The following OSBPL3 variants were observed in gnomAD, a reference collection of about 807,000 sequenced individuals.
OSBPL3 encodes oxysterol-binding protein-related protein 3.
Under a neutral mutation model 120.1 loss-of-function variants are expected in OSBPL3, and 65 were observed. That is an observed-to-expected ratio of 0.54 (90% confidence interval 0.44 to 0.67). The LOEUF (loss-of-function observed/expected upper bound fraction) is 0.67, where lower values mean the gene tolerates loss of function less well. Ranked by LOEUF, OSBPL3 falls within the 30% of genes least tolerant of loss-of-function variation. OSBPL3 has a pLI of 0.00. For synonymous variants in OSBPL3, 416 were observed against 402.6 expected (o/e 1.03, Z -0.40); for missense variants, 1,004 against 1,082.1 (o/e 0.93, Z 1.01).
rs924432337 is a variant in OSBPL3 at position 24,937,273 on chromosome 7, T to C, written c.-150+42613A>G. Among the ~76,000 whole-genome samples, 1 of 152,094 alleles carries C rather than the reference T, an allele frequency of 6.6e-6. No individual in the cohort carries two copies. Among genetic ancestry groups the C allele is most frequent in the South Asian group, 2.1e-4 (1 of 4,818 alleles). On this transcript the variant is annotated intron_variant, in intron 1 of 22. Transcript: ENST00000313367. This position sits in a 1 kb window ranked among gnomAD's most constrained non-coding sequence, Gnocchi z 4.0. The stretch of plus-strand genomic sequence containing the variant: ...CATAATTCAATTTTCTCCCACCAGG[T>C]CCCTCCCACAACACGTGGGGATTAT...
chr7:24,932,843 AG>A lies in OSBPL3; in HGVS notation c.-149-40223del, dbSNP rs1271394830. On this transcript the variant is annotated intron_variant, in intron 1 of 22. Transcript: ENST00000313367. The surrounding 1 kb of genome is among the most constrained non-coding windows in gnomAD (Gnocchi z 5.6). ...CAAGCATTTGAAATGTTGGGCATTCAGGAACGATCTTTCTAAGATCACTTTT... is the reference window on the plus strand; with the variant it reads ...CAAGCATTTGAAATGTTGGGCATTCAGAACGATCTTTCTAAGATCACTTTT... Among the ~76,000 whole-genome samples the A allele has an allele frequency of 6.6e-6, 1 of 152,268 alleles. No homozygotes were observed. Among genetic ancestry groups the A allele is most frequent in the African/African-American group, 2.4e-5 (1 of 41,476 alleles).
At position 24,947,979 on chromosome 7, in the gene OSBPL3, T is replaced by C. The variant is rs939136702; in HGVS notation, c.-150+31907A>G. The stretch of plus-strand genomic sequence containing the variant: ...TAAGAATGATTTTTTTAATCCAATG[T>C]TCATTTCTAAATCTTTTTCAAGAAA... On this transcript the variant is annotated intron_variant, in intron 1 of 22. Transcript: ENST00000313367. The surrounding 1 kb of genome is among the most constrained non-coding windows in gnomAD (Gnocchi z 4.4). Among the ~76,000 whole-genome samples the C allele has an allele frequency of 5.9e-5, 9 of 152,162 alleles. No individual in the cohort carries two copies. Among genetic ancestry groups the C allele is most frequent in the Admixed American group, 5.2e-4 (8 of 15,276 alleles).
In OSBPL3 at chr7:24,953,435, T is replaced by C. The variant is rs1212856360; in HGVS notation, c.-150+26451A>G. 6.6e-6 allele frequency among the ~76,000 whole-genome samples: 1 copy of C among 152,162 alleles called. No individual in the cohort carries two copies. The highest frequency in any genetic ancestry group is 1.5e-5 in the Non-Finnish European group (1 of 68,032). The stretch of plus-strand genomic sequence containing the variant: ...AGTTTAAATGTGTCTTATTAAAGTA[T>C]TGTGTTAAAAAAAAAAGTATTACGT... On this transcript the variant is annotated intron_variant, in intron 1 of 22. Transcript: ENST00000313367. The surrounding 1 kb of genome is among the most constrained non-coding windows in gnomAD (Gnocchi z 4.3).
rs1388456526 is a variant in OSBPL3 at position 24,966,544 on chromosome 7, G to A, written c.-150+13342C>T. ...TTACAAGTCAGAAGTATGATGCATT[G>A]GCAGGTGTGCATGAAGAAGGCCAGG... On this transcript the variant is annotated intron_variant, in intron 1 of 22. Transcript: ENST00000313367. The surrounding 1 kb of genome is among the most constrained non-coding windows in gnomAD (Gnocchi z 4.8). 6.6e-6 allele frequency among the ~76,000 whole-genome samples: 1 copy of A among 152,196 alleles called. No individual in the cohort carries two copies. Among genetic ancestry groups the A allele is most frequent in the Non-Finnish European group, 1.5e-5 (1 of 68,030 alleles).
At chr7:24,847,869 T>C (rs1032636959) in intron 12 of OSBPL3, among the ~76,000 whole-genome samples, 3 of 152,162 alleles carry the variant, frequency 2.0e-5, no homozygotes, top group Non-Finnish European at 4.4e-5. Flanking sequence ...CCGTAAGTAA[T>C]GTTTAGGTGC....
chr7:24,811,978 G>T (rs1157950301), intron 19 of OSBPL3, among the ~76,000 whole-genome samples: 1 of 152,100 alleles, frequency 6.6e-6, no homozygotes, highest in Non-Finnish European at 1.5e-5. Context: ...AGATACATTT[G>T]TATTTCTACC....
chr7:24,951,557 T>C (rs1356909441), intron 1 of OSBPL3, among the ~76,000 whole-genome samples: 3 of 152,224 alleles, frequency 2.0e-5, no homozygotes, highest in Non-Finnish European at 2.9e-5. Context: ...TATTAGTATT[T>C]ATGACTTAAA....
intron 12 of OSBPL3, among the ~76,000 whole-genome samples, chr7:24,846,210 T>C (rs528801200): frequency 5.9e-5 from 9 of 152,346 alleles, no homozygotes; most frequent in African/African-American, 2.2e-4. Flanking sequence ...AGTGTTTTAT[T>C]TTCTGGCTTG....
At chr7:24,909,305 G>C (rs1029835333) in intron 1 of OSBPL3, among the ~76,000 whole-genome samples, 1 of 152,124 alleles carries the variant, frequency 6.6e-6, no homozygotes, top group Admixed American at 6.5e-5. Context: ...GCTTGGTAGG[G>C]GCTTGTGACT....
intron 1 of OSBPL3, among the ~76,000 whole-genome samples, chr7:24,906,780 T>C (rs568431739): frequency 2.6e-5 from 4 of 152,294 alleles, no homozygotes; most frequent in East Asian, 3.9e-4. Context: ...CCCAGTTCCA[T>C]GGGCAGTCAC....
intron 10 of OSBPL3, 95 bp downstream of exon 10, chr7:24,861,518 A>G: frequency 1.3e-6 from 1 of 761,818 alleles, no homozygotes. Flanking sequence ...GCAGAAAATG[A>G]ACCAACTAAG....
At chr7:24,842,661 C>G (rs1429417105) in intron 12 of OSBPL3, among the ~76,000 whole-genome samples, 3 of 152,202 alleles carry the variant, frequency 2.0e-5, no homozygotes, top group Non-Finnish European at 4.4e-5. Context: ...AGGCAAAAAA[C>G]AACTGTCCAG....
At chr7:24,859,360 G>A (rs1800221002) in intron 10 of OSBPL3, among the ~76,000 whole-genome samples, 1 of 136,794 alleles carries the variant, frequency 7.3e-6, no homozygotes, top group Non-Finnish European at 1.5e-5. Flanking sequence ...TGAAAAAAAA[G>A]TTAAGCAGAA....
intron 1 of OSBPL3, among the ~76,000 whole-genome samples, chr7:24,950,038 T>C (rs929731049): frequency 1.9e-4 from 29 of 152,210 alleles, no homozygotes; most frequent in African/African-American, 6.8e-4. Context: ...AATCCATTGT[T>C]TTCCCCACAG....
At position 24,938,165 on chromosome 7, in the gene OSBPL3, G is replaced by C. The variant is rs1812642665; in HGVS notation, c.-150+41721C>G. ...CAACCTGATGGTATTAGGAGTTGGA[G>C]CCTTTGGGCGGTGATCAAGTCATGA... On this transcript the variant is annotated intron_variant, in intron 1 of 22. Coordinates refer to ENST00000313367, the MANE Select transcript of OSBPL3 (RefSeq NM_015550.4). The surrounding 1 kb of genome is among the most constrained non-coding windows in gnomAD (Gnocchi z 5.8). 6.6e-6 allele frequency among the ~76,000 whole-genome samples: 1 copy of C among 152,194 alleles called. No individual in the cohort carries two copies. Among genetic ancestry groups the C allele is most frequent in the South Asian group, 2.1e-4 (1 of 4,828 alleles).
At chr7:24,865,271 C>T (rs750645515) in intron 7 of OSBPL3, 71 bp downstream of exon 7, 14 of 1,510,780 alleles carry the variant, frequency 9.3e-6, no homozygotes, top group Non-Finnish European at 1.3e-5. Context: ...ACAAATGAAT[C>T]TGAAGTGTAA....
chr7:24,956,112 G>A (rs1009769375), intron 1 of OSBPL3, among the ~76,000 whole-genome samples: 30 of 152,254 alleles, frequency 2.0e-4, no homozygotes, highest in African/African-American at 7.0e-4. Context: ...CAGGATGAAA[G>A]TGACCCACAG....
intron 12 of OSBPL3, among the ~76,000 whole-genome samples, chr7:24,844,288 C>T (rs554118698): frequency 3.9e-5 from 6 of 152,292 alleles, no homozygotes; most frequent in Admixed American, 2.6e-4. Flanking sequence ...ACCTACAGCC[C>T]GGGCGCCACA....
rs1304845826 is a variant in OSBPL3 at position 24,852,621 on chromosome 7, T to G, written c.1041A>C (p.Leu347Phe). 1 of 1,589,364 alleles carries G rather than the reference T, an allele frequency of 6.3e-7. No homozygotes were observed. ...CTGACATGATATTAAAAGCTGACCTTAAAGTGAAGTAAACTATAGAGATAG... is the reference window on the plus strand; with the variant it reads ...CTGACATGATATTAAAAGCTGACCTGAAAGTGAAGTAAACTATAGAGATAG... ...CHIAHKVYFT[L>F]RSAFNIMSAE... Residue 347 changes from leucine (L) to phenylalanine (F), a missense_variant, in exon 11 of 23, where the codon TTA becomes TTC. Coordinates refer to ENST00000313367, the MANE Select transcript of OSBPL3 (RefSeq NM_015550.4). The surrounding 1 kb of genome is among the most constrained non-coding windows in gnomAD (Gnocchi z 4.1).
Sources: gnomAD v4.1 joint callset for allele counts (sites outside exome capture counted in the v4.1 genomes callset) on GRCh38, gnomAD v4.1.1 for gene constraint, Gnocchi (gnomAD v3.1) non-coding constraint, MANE v1.5 for transcripts, NCBI Gene and HGNC (gene_info 2026-07-23, HGNC 2026-07-21) for gene names.